PRKCE: variants seen among roughly 807,000 people sequenced by gnomAD.
The protein encoded by PRKCE is protein kinase C epsilon.
In PRKCE, 16 loss-of-function variants were observed where a neutral mutation model predicts 85.4. That is an observed-to-expected ratio of 0.19 (90% CI 0.13 to 0.28). PRKCE has a LOEUF of 0.28. Among genes scored for constraint, PRKCE ranks in the 10% least tolerant of loss-of-function variants. The pLI is 1.00. For missense variants in PRKCE, 573 were observed against 975.2 expected (o/e 0.59, Z 5.49); for synonymous variants, 388 against 371.5 (o/e 1.04, Z -0.51).
chr2:45,917,662 A>G (rs1175514978), intron 2 of PRKCE, among the ~76,000 whole-genome samples: 1 of 152,222 alleles, frequency 6.6e-6, no homozygotes, highest in African/African-American at 2.4e-5. Context: ...GTCCCGTGCC[A>G]TGCGCCCGCA....
At chr2:45,779,720 GAT>G (rs1452713465) in intron 1 of PRKCE, among the ~76,000 whole-genome samples, 3 of 151,536 alleles carry the variant, frequency 2.0e-5, no homozygotes, top group Non-Finnish European at 4.4e-5. Flanking sequence ...CCTGTATATA[GAT>G]ATATATGTCT....
At chr2:46,034,929 C>T (rs1205021189) in intron 10 of PRKCE, among the ~76,000 whole-genome samples, 1 of 152,234 alleles carries the variant, frequency 6.6e-6, no homozygotes, top group Non-Finnish European at 1.5e-5. Context: ...CTGCCTACAC[C>T]TTAGAGTGAT....
intron 1 of PRKCE, among the ~76,000 whole-genome samples, chr2:45,660,359 C>T (rs1253018487): frequency 6.6e-6 from 1 of 152,120 alleles, no homozygotes; most frequent in African/African-American, 2.4e-5. Flanking sequence ...TTCCACATAG[C>T]AATTTGCATC....
At chr2:46,153,298 C>CATCT (rs1676824698) in intron 13 of PRKCE, among the ~76,000 whole-genome samples, 1 of 152,118 alleles carries the variant, frequency 6.6e-6, no homozygotes, top group Non-Finnish European at 1.5e-5. Flanking sequence ...ATTTATTGAG[C>CATCT]ATCTAGTAAA....
chr2:45,918,021 G>A (rs965577327), intron 2 of PRKCE, among the ~76,000 whole-genome samples: 3 of 152,346 alleles, frequency 2.0e-5, no homozygotes, highest in African/African-American at 4.8e-5. Context: ...GCCCGCTAGC[G>A]CCGCGCGCAG....
chr2:45,880,245 A>G (rs894607971), intron 2 of PRKCE, among the ~76,000 whole-genome samples: 1 of 152,000 alleles, frequency 6.6e-6, no homozygotes, highest in Non-Finnish European at 1.5e-5. Flanking sequence ...TATGCACCAC[A>G]TTTTCTTTGT....
intron 10 of PRKCE, among the ~76,000 whole-genome samples, chr2:46,046,234 A>C (rs1309096620): frequency 6.6e-6 from 1 of 152,210 alleles, no homozygotes; most frequent in African/African-American, 2.4e-5. Flanking sequence ...TTCAGAGTAA[A>C]TCAGCTGCTC....
intron 1 of PRKCE, among the ~76,000 whole-genome samples, chr2:45,712,136 C>CCT (rs1679699915): frequency 1.1e-5 from 1 of 92,720 alleles, no homozygotes; most frequent in Non-Finnish European, 2.2e-5. Context: ...TACGGCCTGT[C>CCT]CTTTTTTTTT....
chr2:45,955,920 C>T (rs1015906623), intron 2 of PRKCE, among the ~76,000 whole-genome samples: 1 of 152,154 alleles, frequency 6.6e-6, no homozygotes, highest in Non-Finnish European at 1.5e-5. Context: ...AGAATAGTTC[C>T]ATCACCTCCC....
chr2:46,113,344 T>G (rs1432847719), intron 11 of PRKCE, among the ~76,000 whole-genome samples: 1 of 152,250 alleles, frequency 6.6e-6, no homozygotes, highest in Non-Finnish European at 1.5e-5. Flanking sequence ...ATATCTGAAC[T>G]TAAAGAGGTT....
At chr2:45,838,212 G>C (rs77106088) in intron 1 of PRKCE, among the ~76,000 whole-genome samples, 1 of 152,136 alleles carries the variant, frequency 6.6e-6, no homozygotes, top group East Asian at 1.9e-4. Context: ...CTCTGGGGAC[G>C]GGAGGGTTGA....
chr2:45,790,540 T>G (rs1480038045), intron 1 of PRKCE, among the ~76,000 whole-genome samples: 1 of 152,204 alleles, frequency 6.6e-6, no homozygotes, highest in Non-Finnish European at 1.5e-5. Flanking sequence ...CTCTATAACA[T>G]TTTTGTTCCA....
chr2:46,070,344 A>G (rs998249333), intron 10 of PRKCE, among the ~76,000 whole-genome samples: 1 of 152,202 alleles, frequency 6.6e-6, no homozygotes, highest in Admixed American at 6.5e-5. Context: ...TTTGATGTAT[A>G]AAAAAATGGC....
intron 1 of PRKCE, among the ~76,000 whole-genome samples, chr2:45,815,911 C>T (rs750711764): frequency 8.5e-5 from 13 of 152,298 alleles, no homozygotes; most frequent in Non-Finnish European, 1.3e-4. Flanking sequence ...GGTATCCATT[C>T]CACAAATCCC....
At chr2:45,947,045 A>T (rs1700289603) in intron 2 of PRKCE, among the ~76,000 whole-genome samples, 2 of 152,210 alleles carry the variant, frequency 1.3e-5, no homozygotes, top group South Asian at 4.1e-4. Flanking sequence ...AAACTCTCTC[A>T]ACCTCTCTCC....
At chr2:45,832,027 A>C (rs1254452913) in intron 1 of PRKCE, among the ~76,000 whole-genome samples, 1 of 152,202 alleles carries the variant, frequency 6.6e-6, no homozygotes, top group Non-Finnish European at 1.5e-5. Flanking sequence ...CCTAAATTTC[A>C]TGCTTTTATA....
intron 2 of PRKCE, among the ~76,000 whole-genome samples, chr2:45,935,015 C>A (rs1306965962): frequency 6.6e-6 from 1 of 151,744 alleles, no homozygotes; most frequent in Non-Finnish European, 1.5e-5. Flanking sequence ...GAGCCATGAT[C>A]ATACTACTGC....
chr2:46,097,537 A>C (rs1013776502), intron 11 of PRKCE, among the ~76,000 whole-genome samples: 14 of 143,740 alleles, frequency 9.7e-5, no homozygotes, highest in Non-Finnish European at 1.5e-4. Context: ...AAAAAAAAAA[A>C]GCTGTGAAGT....
At chr2:45,859,187 A>G (rs1692944262) in intron 2 of PRKCE, among the ~76,000 whole-genome samples, 3 of 151,962 alleles carry the variant, frequency 2.0e-5, no homozygotes, top group Admixed American at 2.0e-4. Flanking sequence ...ATTGCTGTAT[A>G]TTATTCCATT....
Sources: gnomAD v4.1 joint callset for allele counts (sites outside exome capture counted in the v4.1 genomes callset) on GRCh38, gnomAD v4.1.1 for gene constraint, MANE v1.5 for transcripts, NCBI Gene and HGNC (gene_info 2026-07-23, HGNC 2026-07-21) for gene names.